Variants in PTPRD observed in about 807,000 individuals in gnomAD.
PTPRD encodes the protein receptor-type tyrosine-protein phosphatase delta.
A neutral mutation model predicts 214.5 loss-of-function variants in PTPRD; 34 were observed. The ratio of observed to expected loss-of-function variants is 0.16; its 90% CI spans 0.12 to 0.21. The LOEUF (loss-of-function observed/expected upper bound fraction) is 0.21, where lower values mean the gene tolerates loss of function less well. Ranked by LOEUF, PTPRD falls within the 10% of genes least tolerant of loss-of-function variation. The pLI is 1.00. For missense variants in PTPRD, 2,545 were observed against 2,398.7 expected (o/e 1.06, Z -1.27); for synonymous variants, 1,128 against 845.7 (o/e 1.33, Z -5.79).
intron 33 of PTPRD, chr9:8,454,464 G>A (rs1423778039): frequency 1.8e-5 from 18 of 984,042 alleles, no homozygotes; most frequent in South Asian, 2.9e-5. Context: ...CATCTTCCAC[G>A]TGCCAGGTAT....
At chr9:9,061,433 G>A (rs184402654) in intron 10 of PTPRD, among the ~76,000 whole-genome samples, 2 of 152,106 alleles carry the variant, frequency 1.3e-5, no homozygotes, top group Admixed American at 6.5e-5. Flanking sequence ...ATGAAGACTC[G>A]GTAAAAACTA....
Position 8,315,795 on chromosome 9 carries a change from C to CAA in PTPRD, c.*2077_*2078dup, listed in dbSNP as rs1821344412. ...AACATCCATGAAGCTAAAATTAAAC[C>CAA]AAAGTAGTATACTCATACCAAAACT... On this transcript the variant is annotated 3_prime_UTR_variant, in exon 46 of 46. Transcript: ENST00000381196. The CAA allele has an allele frequency of 4.4e-6, 1 of 227,700 alleles. No individual in the cohort carries two copies. Among genetic ancestry groups the CAA allele is most frequent in the Non-Finnish European group, 8.7e-6 (1 of 114,608 alleles). The allele number at this position is 227,700 out of a possible 1,614,324, so 14.1% of individuals were successfully genotyped here.
At chr9:9,455,338 A>C (rs1022458558) in intron 8 of PTPRD, among the ~76,000 whole-genome samples, 6 of 151,544 alleles carry the variant, frequency 4.0e-5, no homozygotes, top group Non-Finnish European at 8.9e-5. Flanking sequence ...GCAGAGAATG[A>C]AAATTATGCA....
intron 11 of PTPRD, among the ~76,000 whole-genome samples, chr9:8,767,769 C>T (rs1169680568): frequency 3.3e-5 from 5 of 152,086 alleles, no homozygotes; most frequent in African/African-American, 7.2e-5. Context: ...AGGGGAGACC[C>T]AGGCATCTGT....
intron 3 of PTPRD, among the ~76,000 whole-genome samples, chr9:10,333,290 A>C (rs2096785017): frequency 6.6e-6 from 1 of 151,814 alleles, no homozygotes; most frequent in African/African-American, 2.4e-5. Context: ...AGGAACAACC[A>C]CAGGAGCCTT....
chr9:8,831,484 C>T (rs1468273348), intron 11 of PTPRD, among the ~76,000 whole-genome samples: 2 of 152,102 alleles, frequency 1.3e-5, no homozygotes, highest in African/African-American at 4.8e-5. Context: ...CCAGACTACA[C>T]ATTATACAGT....
intron 10 of PTPRD, among the ~76,000 whole-genome samples, chr9:9,097,030 C>G (rs2099784505): frequency 6.6e-6 from 1 of 152,132 alleles, no homozygotes; most frequent in Non-Finnish European, 1.5e-5. Flanking sequence ...ACTTGAAATT[C>G]AGGTGTTTTA....
At chr9:8,676,844 G>A (rs1175307754) in intron 12 of PTPRD, among the ~76,000 whole-genome samples, 1 of 152,314 alleles carries the variant, frequency 6.6e-6, no homozygotes, top group East Asian at 1.9e-4. Context: ...AAAGGGCTGG[G>A]ACTGCAGGCG....
chr9:8,649,769 A>C (rs926217158), intron 12 of PTPRD, among the ~76,000 whole-genome samples: 10 of 152,228 alleles, frequency 6.6e-5, no homozygotes, highest in African/African-American at 1.2e-4. Flanking sequence ...ATATTTCCTA[A>C]GGAAAGTCTA....
intron 44 of PTPRD, 31 bp downstream of exon 44, chr9:8,331,551 A>C (rs377235976): frequency 1.0e-6 from 1 of 1,004,586 alleles, no homozygotes; most frequent in African/African-American, 3.4e-5. Context: ...ACCACCACTT[A>C]TCACTGCTTT....
At chr9:10,152,835 C>A (rs1426818464) in intron 3 of PTPRD, among the ~76,000 whole-genome samples, 2 of 151,994 alleles carry the variant, frequency 1.3e-5, no homozygotes, top group African/African-American at 2.4e-5. Flanking sequence ...TACCCTCCCC[C>A]AAAAAGAAGG....
In PTPRD at chr9:9,456,751, G is replaced by C. The variant is rs548496257; in HGVS notation, c.-236-59269C>G. 6.6e-5 allele frequency among the ~76,000 whole-genome samples: 10 copies of C among 151,718 alleles called. No homozygotes were observed. In the South Asian group the frequency reaches 2.1e-3, roughly 32 times the overall value. On this transcript the variant is annotated intron_variant, in intron 8 of 45. Coordinates refer to ENST00000381196, the MANE Select transcript of PTPRD (RefSeq NM_002839.4). ...AATTAATAGGGTCATTTTATAGATG[G>C]GGAGACTGAGAAATAAAGAGGTTAA...
At chr9:9,567,784 G>A (rs189415092) in intron 8 of PTPRD, among the ~76,000 whole-genome samples, 1 of 151,910 alleles carries the variant, frequency 6.6e-6, no homozygotes, top group Non-Finnish European at 1.5e-5. Flanking sequence ...AATGCAGAGG[G>A]TAAACACAAC....
chr9:8,482,319 T>A (rs188920341), intron 30 of PTPRD, among the ~76,000 whole-genome samples: 1 of 152,212 alleles, frequency 6.6e-6, no homozygotes, highest in Admixed American at 6.5e-5. Context: ...GTGTAACTCA[T>A]GTCTACCTCT....
At chr9:9,642,428 T>C (rs1300000316) in intron 7 of PTPRD, among the ~76,000 whole-genome samples, 1 of 152,114 alleles carries the variant, frequency 6.6e-6, no homozygotes, top group Non-Finnish European at 1.5e-5. Flanking sequence ...AAAAAATAAG[T>C]TAATCACTTA....
At chr9:9,058,803 A>G (rs2099701807) in intron 10 of PTPRD, among the ~76,000 whole-genome samples, 1 of 152,030 alleles carries the variant, frequency 6.6e-6, no homozygotes, top group Non-Finnish European at 1.5e-5. Flanking sequence ...AGAGGTTGTG[A>G]AAAAACATGT....
intron 5 of PTPRD, among the ~76,000 whole-genome samples, chr9:9,778,977 A>C (rs1290275641): frequency 6.6e-6 from 1 of 150,948 alleles, no homozygotes; most frequent in African/African-American, 2.4e-5. Flanking sequence ...AGCAACCAAA[A>C]TAGCATGATA....
chr9:8,324,027 G>A (rs1831047662), intron 44 of PTPRD, among the ~76,000 whole-genome samples: 1 of 151,474 alleles, frequency 6.6e-6, no homozygotes, highest in Admixed American at 6.6e-5. Flanking sequence ...TTAGTCAGCA[G>A]CCATCAAAAT....
intron 9 of PTPRD, among the ~76,000 whole-genome samples, chr9:9,335,786 GA>G (rs2044206981): frequency 6.6e-6 from 1 of 151,962 alleles, no homozygotes; most frequent in Non-Finnish European, 1.5e-5. Context: ...TGAGGACCCA[GA>G]AACTAGAAAA....
Sources: gnomAD v4.1 joint callset for allele counts (sites outside exome capture counted in the v4.1 genomes callset) on GRCh38, gnomAD v4.1.1 for gene constraint, MANE v1.5 for transcripts, NCBI Gene and HGNC (gene_info 2026-07-23, HGNC 2026-07-21) for gene names.